The following CDC40 variants were observed in gnomAD, a reference collection of about 807,000 sequenced individuals.
CDC40 encodes the protein cell division cycle 40, also known as pre-mRNA-processing factor 17.
Under a neutral mutation model 80.6 loss-of-function variants are expected in CDC40, and 27 were observed. The ratio of observed to expected loss-of-function variants is 0.33; its 90% CI spans 0.25 to 0.46. The LOEUF (loss-of-function observed/expected upper bound fraction) is 0.46. CDC40 is among the 20% of genes least tolerant of loss of function. The pLI is 1.00. For synonymous variants in CDC40, 221 were observed against 232.6 expected, an observed-to-expected ratio of 0.95 and a Z score of 0.45; for missense variants, 486 against 694.1, an observed-to-expected ratio of 0.70 and a Z score of 3.37.
At chr6:110,203,383 C>T (rs1455241673) in intron 3 of CDC40, among the ~76,000 whole-genome samples, 1 of 152,034 alleles carries the variant, frequency 6.6e-6, no homozygotes, top group African/African-American at 2.4e-5. Context: ...TTAATCTTTC[C>T]ACATGAAATG....
chr6:110,224,023 G>T (rs1015126850), intron 12 of CDC40, among the ~76,000 whole-genome samples: 1 of 151,918 alleles, frequency 6.6e-6, no homozygotes, highest in African/African-American at 2.4e-5. Context: ...AGTAGAAACG[G>T]GGTTTCACCA....
At chr6:110,195,852 T>TG (rs1260487061) in intron 2 of CDC40, among the ~76,000 whole-genome samples, 2 of 152,180 alleles carry the variant, frequency 1.3e-5, no homozygotes, top group Non-Finnish European at 2.9e-5. Context: ...CGCAAGGCTT[T>TG]GGGGGCCAAG....
At chr6:110,207,314 C>CAAAAAAAAAAAAAAAAA (rs869177206) in intron 3 of CDC40, among the ~76,000 whole-genome samples, 192 bp from the exon 4 acceptor site, 1 of 52,526 alleles carries the variant, frequency 1.9e-5, no homozygotes, top group South Asian at 7.6e-4. Flanking sequence ...GACCCTATCT[C>CAAAAAAAAAAAAAAAAA]AAAAAAAAAA....
At chr6:110,213,380 G>GTTTTTTTTTTTTT (rs1562205177) in intron 8 of CDC40, among the ~76,000 whole-genome samples, 1 of 149,784 alleles carries the variant, frequency 6.7e-6, no homozygotes, top group African/African-American at 2.5e-5. Context: ...TGTTGTTTTT[G>GTTTTTTTTTTTTT]TTTTTTGTTT....
At position 110,212,181 on chromosome 6, in the gene CDC40, A is replaced by G. The variant is rs1358914530; in HGVS notation, c.776A>G (p.Gln259Arg). 1 of 1,613,086 alleles carries G rather than the reference A, an allele frequency of 6.2e-7. No homozygotes were observed. Among genetic ancestry groups the G allele is most frequent in the African/African-American group, 1.3e-5 (1 of 74,908 alleles). The part of the protein sequence containing the change: ...YQGRSYLHIP[Q>R]DVGVNLRSTM... ...GGCAGGTCCTATCTTCACATACCTC[A>G]GGATGTTGGTGTTAATCTACGGTCA... is the stretch of plus-strand genomic sequence containing the variant. The change falls in exon 7 of 15, where the codon CAG becomes CGG. Residue 259 changes from glutamine (Q) to arginine (R), a missense_variant. By Grantham distance (43) the Gln-to-Arg change is conservative. Around this residue, in one of 3 missense-constraint regions of CDC40, gnomAD observed 381 missense variants for 492.1 expected, o/e 0.77. Coordinates refer to ENST00000307731, the MANE Select transcript of CDC40 (RefSeq NM_015891.3).
chr6:110,196,757 A>G (rs1270945932), intron 2 of CDC40, among the ~76,000 whole-genome samples: 2 of 152,156 alleles, frequency 1.3e-5, no homozygotes, highest in Non-Finnish European at 2.9e-5. Flanking sequence ...ATTTTCTCAT[A>G]CTAATATTTT....
chr6:110,227,325 T>C (rs1777877868), intron 13 of CDC40, among the ~76,000 whole-genome samples: 1 of 152,202 alleles, frequency 6.6e-6, no homozygotes, highest in South Asian at 2.1e-4. Context: ...ACTCCAAGTG[T>C]AGGGCAAGGA....
In CDC40 at chr6:110,217,694, AC is replaced by A. The variant is rs761947508; in HGVS notation, c.989-6del. 7.2e-7 allele frequency: 1 copy of A among 1,390,644 alleles called. No homozygotes were observed. The highest frequency in any genetic ancestry group is 1.7e-5 in the Admixed American group (1 of 59,704). The allele number at this position is 1,390,644 out of a possible 1,614,324, so 86.1% of individuals were successfully genotyped here. A position where few individuals can be genotyped will look rare whatever the true frequency, so the allele number is the denominator to read the frequency against. Reference sequence around the variant, plus strand: ...CCTCATTGCTGTTTCTGTTGACTCCACCTTTAGGTCACAGTAAGGCTGTTAG... The same window carrying A: ...CCTCATTGCTGTTTCTGTTGACTCCACTTTAGGTCACAGTAAGGCTGTTAG... On this transcript the variant is annotated splice_region_variant and splice_polypyrimidine_tract_variant and intron_variant, in intron 9 of 14. Coordinates refer to ENST00000307731, the MANE Select transcript of CDC40 (RefSeq NM_015891.3).
chr6:110,192,586 A>G (rs938323970), intron 1 of CDC40, among the ~76,000 whole-genome samples: 8 of 152,218 alleles, frequency 5.3e-5, no homozygotes, highest in African/African-American at 1.9e-4. Flanking sequence ...TAAAGATACC[A>G]ATTTGAGAAT....
chr6:110,208,764 T>A (rs1226331559), intron 4 of CDC40, among the ~76,000 whole-genome samples: 1 of 152,204 alleles, frequency 6.6e-6, no homozygotes. Context: ...CACAGCTTTT[T>A]GATTCAATAA....
intron 2 of CDC40, among the ~76,000 whole-genome samples, chr6:110,200,135 G>T (rs1334184438): frequency 6.6e-6 from 1 of 152,050 alleles, no homozygotes; most frequent in Non-Finnish European, 1.5e-5. Context: ...TAAAAGCTTT[G>T]TATATAAATC....
intron 1 of CDC40, among the ~76,000 whole-genome samples, chr6:110,182,295 A>G (rs1303567541): frequency 6.6e-6 from 1 of 152,240 alleles, no homozygotes; most frequent in African/African-American, 2.4e-5. Flanking sequence ...CTATCCTTTT[A>G]TTTCCAGTTC....
intron 2 of CDC40, among the ~76,000 whole-genome samples, chr6:110,198,698 A>G (rs1425038280): frequency 1.3e-5 from 2 of 152,176 alleles, no homozygotes; most frequent in Non-Finnish European, 2.9e-5. Context: ...GTTCTTCATT[A>G]TTGTTTGAGC....
intron 2 of CDC40, among the ~76,000 whole-genome samples, chr6:110,194,674 G>A (rs1777396705): frequency 6.6e-6 from 1 of 152,186 alleles, no homozygotes; most frequent in South Asian, 2.1e-4. Flanking sequence ...CTGAAGAGAG[G>A]TTGTGTATTA....
intron 3 of CDC40, among the ~76,000 whole-genome samples, chr6:110,206,271 G>C (rs2114660657): frequency 6.6e-6 from 1 of 152,294 alleles, no homozygotes; most frequent in South Asian, 2.1e-4. Context: ...CCGAGTAGCT[G>C]GGACTACTTT....
In CDC40 at chr6:110,210,987, G is replaced by GA. The variant is rs1260404254; in HGVS notation, c.727+190dup. 5 of 272,744 alleles carry GA rather than the reference G, an allele frequency of 1.8e-5. No homozygotes were observed. The East Asian group carries it at 2.4e-4, about 13-fold the overall frequency. The allele number at this position is 272,744 out of a possible 1,614,324, so 16.9% of individuals were successfully genotyped here. On this transcript the variant is annotated intron_variant, in intron 6 of 14. Transcript: ENST00000307731. Reference sequence around the variant, plus strand: ...CAGACTTCTGTATACTGATAAAGGAGAAAAAATAGCATGATTAATGATAGC... The same window carrying GA: ...CAGACTTCTGTATACTGATAAAGGAGAAAAAAATAGCATGATTAATGATAGC...
Position 110,220,620 on chromosome 6 carries a change from AT to A in CDC40, c.1340+757del, listed in dbSNP as rs781179594. On this transcript the variant is annotated intron_variant, in intron 12 of 14. Transcript: ENST00000307731. The stretch of plus-strand genomic sequence containing the variant: ...CCACCACGCCCGGCTAATTTTTTGT[AT>A]TTTTTAGTAGAGATGGGGTTTCACT... 1.6e-3 allele frequency among the ~76,000 whole-genome samples: 245 copies of A among 151,692 alleles called. 1 individual carries two copies. Among genetic ancestry groups the A allele is most frequent in the Middle Eastern group, 3.4e-3 (1 of 294 alleles).
intron 4 of CDC40, 90 bp from the exon 5 acceptor site, chr6:110,208,994 T>C: frequency 1.2e-6 from 1 of 840,424 alleles, no homozygotes; most frequent in Non-Finnish European, 1.8e-6. Flanking sequence ...CCATATAAAA[T>C]AAAATTAAAC....
rs769615370 is a variant in CDC40 at position 110,201,534 on chromosome 6, AT to A, written c.277-16del. The A allele has an allele frequency of 4.9e-5, 75 of 1,529,174 alleles. No individual in the cohort carries two copies. In the East Asian group the frequency reaches 6.0e-4, roughly 12 times the overall value. The allele number at this position is 1,529,174 out of a possible 1,614,324, so 94.7% of individuals were successfully genotyped here. A position where few individuals can be genotyped will look rare whatever the true frequency, so the allele number is the denominator to read the frequency against. ...TTTTGTGTCTTTCTTATTTTATTTT[AT>A]TTTTTTTCTTGTAACATTGCAGTTT... On this transcript the variant is annotated intron_variant, in intron 2 of 14. Coordinates refer to ENST00000307731, the MANE Select transcript of CDC40 (RefSeq NM_015891.3).
Sources: allele counts gnomAD v4.1 joint callset (sites outside exome capture counted in the v4.1 genomes callset), GRCh38; gene constraint gnomAD v4.1.1; regional missense constraint gnomAD v4.1.1; transcripts MANE v1.5; gene names NCBI Gene and HGNC (gene_info 2026-07-23, HGNC 2026-07-21).